METTL16: variants seen among roughly 807,000 people sequenced by gnomAD.
METTL16 encodes the protein methyltransferase 16, RNA N6-adenosine.
METTL16 carries 19 observed loss-of-function variants against 57.9 expected under a neutral mutation model. That is an observed-to-expected ratio of 0.33 (90% CI 0.23 to 0.48). The LOEUF is 0.48. Among genes scored for constraint, METTL16 ranks in the 20% least tolerant of loss-of-function variants. The probability of loss-of-function intolerance (pLI) is 0.99; values close to 1 mark genes in which losing one functional copy is unlikely to be tolerated. For synonymous variants in METTL16, 246 were observed against 255.6 expected (o/e 0.96, Z 0.36); for missense variants, 434 against 691.5 (o/e 0.63, Z 4.18).
chr17:2,479,522 AG>A (rs959676563), intron 2 of METTL16, among the ~76,000 whole-genome samples: 3 of 152,006 alleles, frequency 2.0e-5, no homozygotes, highest in African/African-American at 7.3e-5. Flanking sequence ...TATGAAAGGG[AG>A]GAGTTTTGAA....
intron 2 of METTL16, among the ~76,000 whole-genome samples, chr17:2,493,265 A>G (rs565940683): frequency 7.4e-5 from 11 of 148,864 alleles, no homozygotes; most frequent in African/African-American, 2.7e-4. Context: ...ATTTTTTTGT[A>G]TTTTTAGTAG....
chr17:2,451,242 C>T (rs981245360), intron 6 of METTL16, among the ~76,000 whole-genome samples: 1 of 152,228 alleles, frequency 6.6e-6, no homozygotes, highest in East Asian at 1.9e-4. Flanking sequence ...ACACTTTAAA[C>T]AAACCCCGGT....
At chr17:2,429,981 TTTTC>T (rs1194027714) in intron 8 of METTL16, among the ~76,000 whole-genome samples, 1 of 150,512 alleles carries the variant, frequency 6.6e-6, no homozygotes, top group Non-Finnish European at 1.5e-5. Flanking sequence ...CGGCTAATTT[TTTTC>T]TATTTTTAGT....
intron 8 of METTL16, among the ~76,000 whole-genome samples, chr17:2,424,686 C>T (rs938417445): frequency 9.2e-5 from 14 of 152,052 alleles, no homozygotes; most frequent in Non-Finnish European, 1.6e-4. Flanking sequence ...CAGTGGCTCA[C>T]GCCTGTAATC....
chr17:2,419,303 G>A lies in METTL16; in HGVS notation c.*667C>T, dbSNP rs1772949621. The stretch of plus-strand genomic sequence containing the variant: ...GTGGGGGTATGGGTGCCTTCTGTGT[G>A]CCTCAGTCACACCGGGGAGTTTTGC... On this transcript the variant is annotated 3_prime_UTR_variant, in exon 10 of 10. Coordinates refer to ENST00000263092, the MANE Select transcript of METTL16 (RefSeq NM_024086.4). 1 of 214,766 alleles carries A rather than the reference G, an allele frequency of 4.7e-6. No homozygotes were observed. The highest frequency in any genetic ancestry group is 5.2e-5 in the Admixed American group (1 of 19,102). 13.3% of individuals were successfully genotyped at this position (214,766 alleles called of 1,614,324 possible). A position where few individuals can be genotyped will look rare whatever the true frequency, so the allele number is the denominator to read the frequency against.
intron 1 of METTL16, among the ~76,000 whole-genome samples, chr17:2,507,004 G>A (rs1167256482): frequency 1.7e-5 from 2 of 114,680 alleles, no homozygotes; most frequent in Non-Finnish European, 3.8e-5. Context: ...GAGCCCCTCC[G>A]CCCGGCAGCC....
intron 2 of METTL16, among the ~76,000 whole-genome samples, chr17:2,497,267 A>G (rs560513132): frequency 4.0e-5 from 6 of 148,362 alleles, no homozygotes; most frequent in Admixed American, 2.7e-4. Flanking sequence ...TGGCCTCCCA[A>G]AGTGCTGGGT....
At chr17:2,430,084 G>T (rs906127753) in intron 8 of METTL16, among the ~76,000 whole-genome samples, 1 of 151,540 alleles carries the variant, frequency 6.6e-6, no homozygotes, top group African/African-American at 2.4e-5. Flanking sequence ...AAAGTGCTGG[G>T]ATTACAGACA....
intron 6 of METTL16, among the ~76,000 whole-genome samples, chr17:2,446,383 C>G (rs751189243): frequency 1.3e-5 from 2 of 152,204 alleles, no homozygotes; most frequent in African/African-American, 4.8e-5. Flanking sequence ...CTTTACATCA[C>G]AGAAGACATG....
intron 8 of METTL16, among the ~76,000 whole-genome samples, chr17:2,429,874 G>A (rs1230258698): frequency 6.8e-5 from 10 of 146,876 alleles, no homozygotes; most frequent in Non-Finnish European, 1.2e-4. Flanking sequence ...GCAGTGGCAC[G>A]ATCTCAGCTC....
intron 8 of METTL16, among the ~76,000 whole-genome samples, chr17:2,437,499 T>C (rs973687726): frequency 6.6e-6 from 1 of 151,972 alleles, no homozygotes; most frequent in African/African-American, 2.4e-5. Flanking sequence ...CTGCAAAATG[T>C]TTCTACAGGT....
At chr17:2,493,964 T>C (rs1183460001) in intron 2 of METTL16, among the ~76,000 whole-genome samples, 1 of 152,186 alleles carries the variant, frequency 6.6e-6, no homozygotes, top group Admixed American at 6.6e-5. Flanking sequence ...GACTGCCGTA[T>C]CCTCTTCCCA....
intron 2 of METTL16, among the ~76,000 whole-genome samples, chr17:2,495,755 A>G (rs976471929): frequency 1.7e-4 from 26 of 151,202 alleles, no homozygotes; most frequent in African/African-American, 6.1e-4. Context: ...TGACGGGCTC[A>G]AGACTTCAGC....
intron 8 of METTL16, among the ~76,000 whole-genome samples, chr17:2,426,945 G>A (rs1343012160): frequency 6.7e-6 from 1 of 150,204 alleles, no homozygotes; most frequent in Non-Finnish European, 1.5e-5. Flanking sequence ...GACCAGCCTG[G>A]CCAACATGGT....
At chr17:2,424,947 C>CAA (rs564839145) in intron 8 of METTL16, among the ~76,000 whole-genome samples, 5 of 99,638 alleles carry the variant, frequency 5.0e-5, no homozygotes, top group East Asian at 2.9e-4. Context: ...GACTCCGTCT[C>CAA]AAAAAAAAAA....
intron 2 of METTL16, among the ~76,000 whole-genome samples, chr17:2,482,120 C>G (rs7222158): frequency 6.4e-4 from 98 of 152,106 alleles, no homozygotes; most frequent in Middle Eastern, 3.4e-3. Context: ...AGAGTTTTCA[C>G]GAGCTCTTTG....
At chr17:2,443,037 T>A (rs949742115) in intron 6 of METTL16, among the ~76,000 whole-genome samples, 1 of 151,966 alleles carries the variant, frequency 6.6e-6, no homozygotes, top group African/African-American at 2.4e-5. Context: ...TCGCCCAGGC[T>A]GGAGTGCAGT....
At chr17:2,474,036 C>A (rs960030258) in intron 3 of METTL16, among the ~76,000 whole-genome samples, 1 of 152,104 alleles carries the variant, frequency 6.6e-6, no homozygotes, top group Admixed American at 6.5e-5. Flanking sequence ...TAATTAGATC[C>A]AACTTCCTAA....
At chr17:2,473,796 T>C in intron 3 of METTL16, 132 bp from the exon 4 acceptor site, 1 of 914,426 alleles carries the variant, frequency 1.1e-6, no homozygotes, top group Non-Finnish European at 1.6e-6. Flanking sequence ...TACAGTGCAG[T>C]GGTGTGATCA....
Sources: allele counts gnomAD v4.1 joint callset (sites outside exome capture counted in the v4.1 genomes callset), GRCh38; gene constraint gnomAD v4.1.1; transcripts MANE v1.5; gene names NCBI Gene and HGNC (gene_info 2026-07-23, HGNC 2026-07-21).